Variants in LARP1B observed in about 807,000 individuals in gnomAD.
LARP1B encodes the protein La ribonucleoprotein 1B.
Under a neutral mutation model 114.2 loss-of-function variants are expected in LARP1B, and 76 were observed. That is an observed-to-expected ratio of 0.67 (90% CI 0.55 to 0.81). The LOEUF (loss-of-function observed/expected upper bound fraction) is 0.81, where lower values mean the gene tolerates loss of function less well. Ranked by LOEUF, LARP1B falls within the 30% of genes least tolerant of loss-of-function variation. The pLI, the probability that LARP1B is intolerant of heterozygous loss-of-function variation, is 0.00. For missense variants in LARP1B, 1,014 were observed against 1,075.8 expected (o/e 0.94, Z 0.80); for synonymous variants, 345 against 348.0 (o/e 0.99, Z 0.10).
chr4:128,220,956 T>C (rs1759976139), intron 7 of LARP1B, among the ~76,000 whole-genome samples: 1 of 152,256 alleles, frequency 6.6e-6, no homozygotes, highest in Non-Finnish European at 1.5e-5. Flanking sequence ...AGGCTCTTCA[T>C]CTTAACCAGA....
At chr4:128,171,434 A>C (rs1160803365) in intron 12 of LARP1B, among the ~76,000 whole-genome samples, 2 of 152,286 alleles carry the variant, frequency 1.3e-5, no homozygotes, top group Admixed American at 1.3e-4. Flanking sequence ...CACTCAGCTG[A>C]AATTTCTTTA....
At chr4:128,184,734 G>A (rs74649357) in intron 15 of LARP1B, among the ~76,000 whole-genome samples, 2,672 of 151,978 alleles carry the variant, frequency 0.018, 62 homozygotes, top group East Asian at 0.1. Context: ...GCTTTTCACC[G>A]CCCTTCCCCC....
intron 12 of LARP1B, among the ~76,000 whole-genome samples, chr4:128,175,184 G>T (rs1011511015): frequency 6.6e-6 from 1 of 152,078 alleles, no homozygotes; most frequent in Non-Finnish European, 1.5e-5. Flanking sequence ...TATTAATGAA[G>T]TATAAGTACA....
intron 11 of LARP1B, among the ~76,000 whole-genome samples, chr4:128,131,859 T>C (rs926120484): frequency 1.3e-5 from 2 of 152,204 alleles, no homozygotes; most frequent in East Asian, 1.9e-4. Context: ...ATCGTTGTTA[T>C]ACCATGTTAT....
At position 128,199,470 on chromosome 4, in the gene LARP1B, C is replaced by T. The variant is rs1364821757; in HGVS notation, c.2035C>T (p.Pro679Ser). ...TSNASPSEGA[P>S]LAGSYGCTPH... is the part of the protein sequence containing the mutation. The stretch of plus-strand genomic sequence containing the variant: ...AAATGCTTCACCTTCAGAAGGCGCA[C>T]CACTAGCAGGAAGTTATGGATGTAC... The change falls in exon 16 of 20, where the codon CCA becomes TCA. Residue 679 changes from proline (P) to serine (S), a missense_variant. Coordinates refer to ENST00000326639, the MANE Select transcript of LARP1B (RefSeq NM_018078.4). 6.3e-7 allele frequency: 1 copy of T among 1,577,274 alleles called. No homozygotes were observed. Among genetic ancestry groups the T allele is most frequent in the Non-Finnish European group, 8.6e-7 (1 of 1,160,270 alleles).
At chr4:128,148,450 C>T (rs1581011146) in intron 11 of LARP1B, among the ~76,000 whole-genome samples, 1 of 151,178 alleles carries the variant, frequency 6.6e-6, no homozygotes, top group African/African-American at 2.4e-5. Flanking sequence ...AAAAAAAAAG[C>T]TTCTAAATAT....
chr4:128,136,130 TA>T lies in LARP1B; in HGVS notation c.1524+13947del, dbSNP rs1437593331. ...CAACATGGCAAAACCCCATCTCTTC[TA>T]AAAATACAAAAATTAGCTGGGTGTG... On this transcript the variant is annotated intron_variant, in intron 11 of 19. Coordinates refer to ENST00000326639, the MANE Select transcript of LARP1B (RefSeq NM_018078.4). 4.0e-5 allele frequency among the ~76,000 whole-genome samples: 6 copies of T among 151,852 alleles called. No homozygotes were observed. In the East Asian group the frequency reaches 1.2e-3, roughly 29 times the overall value.
upstream of LARP1B, chr4:128,061,214 G>A (rs138941234): frequency 0.01 from 1,578 of 152,210 alleles, 23 homozygotes; most frequent in Non-Finnish European, 0.016. Context: ...GGCCCGGCGA[G>A]AGAAGGACCC....
intron 5 of LARP1B, among the ~76,000 whole-genome samples, chr4:128,084,606 G>A (rs1035940051): frequency 1.3e-5 from 2 of 152,034 alleles, no homozygotes; most frequent in Non-Finnish European, 2.9e-5. Flanking sequence ...GCATCAGAGG[G>A]AGACCGAGAG....
chr4:128,136,891 T>C (rs1725570894), intron 11 of LARP1B, among the ~76,000 whole-genome samples: 1 of 152,172 alleles, frequency 6.6e-6, no homozygotes, highest in Non-Finnish European at 1.5e-5. Context: ...CATGCCACAC[T>C]GCACCTGGTC....
chr4:128,209,720 C>CAGAAA, intron 19 of LARP1B, 136 bp from the exon 20 acceptor site: 4 of 491,854 alleles, frequency 8.1e-6, no homozygotes, highest in East Asian at 3.6e-5. Context: ...GAGACTCCAT[C>CAGAAA]AAAAAAAAAA....
chr4:128,095,001 A>G (rs182805858), intron 7 of LARP1B, among the ~76,000 whole-genome samples: 1 of 151,974 alleles, frequency 6.6e-6, no homozygotes, highest in African/African-American at 2.4e-5. Flanking sequence ...TCTGCCTGCC[A>G]TGGCCTCTCA....
At chr4:128,148,846 C>G (rs1321129111) in intron 11 of LARP1B, among the ~76,000 whole-genome samples, 1 of 152,072 alleles carries the variant, frequency 6.6e-6, no homozygotes, top group Non-Finnish European at 1.5e-5. Context: ...TGGCTGGTCT[C>G]GAAGTCCTGA....
At chr4:128,082,859 C>T (rs1422941417) in intron 5 of LARP1B, among the ~76,000 whole-genome samples, 13 of 143,492 alleles carry the variant, frequency 9.1e-5, no homozygotes, top group African/African-American at 2.9e-4. Flanking sequence ...GGGTGTTTCT[C>T]GCAGAGGGGG....
At chr4:128,081,380 T>G (rs895536599) in intron 4 of LARP1B, among the ~76,000 whole-genome samples, 363 of 23,726 alleles carry the variant, frequency 0.015, 1 homozygote, top group African/African-American at 0.037. Context: ...CGCCCGGCCT[T>G]TTTTTTTTTT....
Position 128,199,519 on chromosome 4 carries a change from A to G in LARP1B, c.2084A>G (p.Gln695Arg). 6.2e-7 allele frequency: 1 copy of G among 1,604,490 alleles called. No homozygotes were observed. The highest frequency in any genetic ancestry group is 1.1e-5 in the South Asian group (1 of 88,774). ...ACTCCTCATTCATTCCCAAAGTTCC[A>G]GCATCCTTCTCATGAACTTTTGAAG... is the stretch of plus-strand genomic sequence containing the variant. Reference protein sequence around the residue: ...GCTPHSFPKFQHPSHELLKEN... With the variant: ...GCTPHSFPKFRHPSHELLKEN... The change falls in exon 16 of 20, where the codon CAG becomes CGG. Residue 695 changes from glutamine to arginine, a missense_variant. Transcript: ENST00000326639.
At chr4:128,203,238 A>G (rs1018391850) in intron 17 of LARP1B, among the ~76,000 whole-genome samples, 2 of 152,264 alleles carry the variant, frequency 1.3e-5, no homozygotes, top group African/African-American at 4.8e-5. Flanking sequence ...TCATGGGGTT[A>G]TTGTGAAGAT....
At chr4:128,129,031 G>C (rs1406003910) in intron 11 of LARP1B, among the ~76,000 whole-genome samples, 1 of 151,756 alleles carries the variant, frequency 6.6e-6, no homozygotes, top group Non-Finnish European at 1.5e-5. Flanking sequence ...CAGGCGTGAT[G>C]GTGGGCGCCT....
downstream of LARP1B, among the ~76,000 whole-genome samples, chr4:128,214,502 CCCGAGCA>C (rs1759385259): frequency 6.6e-6 from 1 of 152,070 alleles, no homozygotes; most frequent in African/African-American, 2.4e-5. Flanking sequence ...ACCCCTGACC[CCCGAGCA>C]GCCTAACTGG....
Sources: allele counts gnomAD v4.1 joint callset (sites outside exome capture counted in the v4.1 genomes callset), GRCh38; gene constraint gnomAD v4.1.1; transcripts MANE v1.5; gene names NCBI Gene and HGNC (gene_info 2026-07-23, HGNC 2026-07-21).